Variants in DLC1 observed in about 807,000 individuals in gnomAD.
DLC1 encodes rho GTPase-activating protein 7.
DLC1 carries 54 observed loss-of-function variants against 140.3 expected under a neutral mutation model. The observed-to-expected ratio is 0.38, with a 90% confidence interval of 0.31 to 0.48. The LOEUF (loss-of-function observed/expected upper bound fraction) is 0.48. Among genes scored for constraint, DLC1 ranks in the 20% least tolerant of loss-of-function variants. The probability of loss-of-function intolerance (pLI) is 0.96; values close to 1 mark genes in which losing one functional copy is unlikely to be tolerated. For synonymous variants in DLC1, 986 were observed against 728.1 expected (o/e 1.35, Z -5.70); for missense variants, 2,536 against 1,907.0 (o/e 1.33, Z -6.14).
At chr8:13,256,879 T>TAAAAA in intron 5 of DLC1, among the ~76,000 whole-genome samples, 1 of 105,214 alleles carries the variant, frequency 9.5e-6, no homozygotes, top group Non-Finnish European at 2.0e-5. Flanking sequence ...TCCCAGAACT[T>TAAAAA]AAAAAAAAAA....
At chr8:13,241,934 C>G (rs1016431895) in intron 5 of DLC1, among the ~76,000 whole-genome samples, 1 of 151,936 alleles carries the variant, frequency 6.6e-6, no homozygotes, top group Non-Finnish European at 1.5e-5. Context: ...ATTTGGCTCA[C>G]GTTCAGAGCT....
At chr8:13,284,314 G>A (rs530861998) in intron 5 of DLC1, among the ~76,000 whole-genome samples, 4 of 152,252 alleles carry the variant, frequency 2.6e-5, no homozygotes, top group Admixed American at 6.5e-5. Flanking sequence ...ATCACCTAAC[G>A]TCAGGAGTTC....
intron 2 of DLC1, among the ~76,000 whole-genome samples, chr8:13,444,678 A>G (rs1433823301): frequency 6.6e-6 from 1 of 152,180 alleles, no homozygotes; most frequent in Non-Finnish European, 1.5e-5. Context: ...TGACACAGTT[A>G]TTTTTCATAC....
intron 5 of DLC1, among the ~76,000 whole-genome samples, chr8:13,120,872 C>T (rs1308508289): frequency 6.6e-6 from 1 of 152,128 alleles, no homozygotes; most frequent in Non-Finnish European, 1.5e-5. Context: ...CCCATCACTC[C>T]TCAACAGTAA....
At chr8:13,226,156 C>T (rs1181014322) in intron 5 of DLC1, among the ~76,000 whole-genome samples, 1 of 152,180 alleles carries the variant, frequency 6.6e-6, no homozygotes, top group African/African-American at 2.4e-5. Flanking sequence ...TCAAACAATC[C>T]TCCCACCTTG....
intron 4 of DLC1, among the ~76,000 whole-genome samples, chr8:13,375,293 C>A (rs1362254683): frequency 6.6e-6 from 1 of 152,144 alleles, no homozygotes; most frequent in Admixed American, 6.5e-5. Context: ...TCCCAAAGTG[C>A]TGGGATTACA....
intron 5 of DLC1, among the ~76,000 whole-genome samples, chr8:13,140,065 C>A (rs1224167441): frequency 6.6e-6 from 1 of 152,142 alleles, no homozygotes; most frequent in Non-Finnish European, 1.5e-5. Context: ...TCTCCCCTTC[C>A]CCCAGCCCCT....
Position 13,190,509 on chromosome 8 carries a change from G to C in DLC1, c.1349-74852C>G, listed in dbSNP as rs547411544. ...ATTCCCCTTATAGGGTTTATGAAGGGTTTTAGTGATTGCTGAAACAATGAA... is the reference window on the plus strand; with the variant it reads ...ATTCCCCTTATAGGGTTTATGAAGGCTTTTAGTGATTGCTGAAACAATGAA... On this transcript the variant is annotated intron_variant, in intron 5 of 17. Transcript: ENST00000276297. 2.5e-3 allele frequency among the ~76,000 whole-genome samples: 380 copies of C among 152,238 alleles called. 1 individual carries two copies. Among genetic ancestry groups the C allele is most frequent in the African/African-American group, 8.9e-3 (370 of 41,520 alleles).
intron 1 of DLC1, among the ~76,000 whole-genome samples, chr8:13,597,053 A>G (rs551232470): frequency 6.6e-6 from 1 of 151,908 alleles, no homozygotes; most frequent in Non-Finnish European, 1.5e-5. Context: ...ATAATGCAGC[A>G]AGGACAAGTA....
At chr8:13,450,280 C>T (rs1394283837) in intron 2 of DLC1, among the ~76,000 whole-genome samples, 1 of 151,576 alleles carries the variant, frequency 6.6e-6, no homozygotes, top group Admixed American at 6.6e-5. Context: ...CATGGTGAAA[C>T]GCTGTCTCTA....
intron 5 of DLC1, among the ~76,000 whole-genome samples, chr8:13,290,033 T>C (rs1047433819): frequency 4.6e-5 from 7 of 151,050 alleles, no homozygotes; most frequent in African/African-American, 1.7e-4. Flanking sequence ...CTCTAAGTTC[T>C]GTACAGGTAG....
At chr8:13,284,104 T>C (rs1215220673) in intron 5 of DLC1, among the ~76,000 whole-genome samples, 1 of 152,060 alleles carries the variant, frequency 6.6e-6, no homozygotes, top group East Asian at 1.9e-4. Context: ...TACCAGTGAG[T>C]ATGAAGAGAC....
At chr8:13,246,665 T>G (rs1047815967) in intron 5 of DLC1, among the ~76,000 whole-genome samples, 7 of 152,152 alleles carry the variant, frequency 4.6e-5, no homozygotes, top group African/African-American at 1.7e-4. Flanking sequence ...ATGCTTTTTT[T>G]TTTTTCTACG....
At chr8:13,338,137 C>T (rs952280468) in intron 4 of DLC1, among the ~76,000 whole-genome samples, 2 of 152,114 alleles carry the variant, frequency 1.3e-5, no homozygotes, top group Non-Finnish European at 2.9e-5. Flanking sequence ...AATTTTGTCC[C>T]CACTTGCTTT....
chr8:13,391,021 T>A (rs895621731), intron 4 of DLC1, among the ~76,000 whole-genome samples: 2 of 145,248 alleles, frequency 1.4e-5, no homozygotes, highest in African/African-American at 5.0e-5. Context: ...AAATAGCCTG[T>A]TTTTCAAGTT....
chr8:13,507,387 T>C (rs1436310068), intron 1 of DLC1, among the ~76,000 whole-genome samples: 1 of 152,222 alleles, frequency 6.6e-6, no homozygotes, highest in Non-Finnish European at 1.5e-5. Flanking sequence ...AGCATTTCTA[T>C]GAGTCTAGTC....
At chr8:13,300,122 G>A (rs997577910) in intron 5 of DLC1, among the ~76,000 whole-genome samples, 10 of 152,164 alleles carry the variant, frequency 6.6e-5, no homozygotes, top group South Asian at 2.1e-4. Context: ...AGGAGATCAC[G>A]TTCTTTGCAG....
At chr8:13,271,530 C>A (rs556670047) in intron 5 of DLC1, among the ~76,000 whole-genome samples, 1 of 152,282 alleles carries the variant, frequency 6.6e-6, no homozygotes, top group Non-Finnish European at 1.5e-5. Context: ...GAACACTCCG[C>A]AAAATACCTC....
rs139981467 is a variant in DLC1, at chr8:13,374,863, T to C, written c.1314+18690A>G. ...TCATTCATTTGTTTGTGTTCTCTTC[T>C]ATTTTGTTGAGCAGTGGTTTGCAGT... On this transcript the variant is annotated intron_variant, in intron 4 of 17. Transcript: ENST00000276297. 3.3e-3 allele frequency among the ~76,000 whole-genome samples: 504 copies of C among 152,310 alleles called. 4 individuals are homozygous for C. The highest frequency in any genetic ancestry group is 0.012 in the African/African-American group (482 of 41,562).
Sources: allele counts gnomAD v4.1 joint callset (sites outside exome capture counted in the v4.1 genomes callset), GRCh38; gene constraint gnomAD v4.1.1; transcripts MANE v1.5; gene names NCBI Gene and HGNC (gene_info 2026-07-23, HGNC 2026-07-21).